SLIT3: variants seen among roughly 807,000 people sequenced by gnomAD.
The protein encoded by SLIT3 is slit homolog 3 protein.
In SLIT3, 68 loss-of-function variants were observed where a neutral mutation model predicts 184.0. The ratio of observed to expected loss-of-function variants is 0.37; its 90% CI spans 0.30 to 0.45. SLIT3 has a LOEUF of 0.45. Among genes scored for constraint, SLIT3 ranks in the 20% least tolerant of loss-of-function variants. The probability of loss-of-function intolerance (pLI) is 1.00; values close to 1 mark genes in which losing one functional copy is unlikely to be tolerated. For missense variants in SLIT3, 1,707 were observed against 2,026.0 expected, an observed-to-expected ratio of 0.84 and a Z score of 3.02; for synonymous variants, 831 against 828.6, an observed-to-expected ratio of 1.00 and a Z score of -0.05.
chr5:168,889,723 G>C (rs931191757), intron 4 of SLIT3, among the ~76,000 whole-genome samples: 1 of 152,224 alleles, frequency 6.6e-6, no homozygotes, highest in South Asian at 2.1e-4. Context: ...TATGGTTGAA[G>C]TTGAGATAGA....
chr5:168,671,572 A>G (rs1396544271), intron 33 of SLIT3, 89 bp from the exon 34 acceptor site: 12 of 1,403,632 alleles, frequency 8.5e-6, no homozygotes, highest in Middle Eastern at 2.3e-4. Context: ...TCACACATTC[A>G]TGGCCAGAAC....
At chr5:168,777,101 A>AC (rs1755787546) in intron 12 of SLIT3, among the ~76,000 whole-genome samples, 1 of 55,514 alleles carries the variant, frequency 1.8e-5, no homozygotes, top group African/African-American at 5.5e-5. Flanking sequence ...ACACACACAC[A>AC]CACACCCCCC....
chr5:169,254,100 T>G (rs1765867825), intron 1 of SLIT3, among the ~76,000 whole-genome samples: 1 of 151,448 alleles, frequency 6.6e-6, no homozygotes. Context: ...TCCACACAGC[T>G]GGGTCTGGGT....
At chr5:169,057,885 AAGACAC>A (rs1318662212) in intron 4 of SLIT3, among the ~76,000 whole-genome samples, 1 of 152,214 alleles carries the variant, frequency 6.6e-6, no homozygotes, top group Non-Finnish European at 1.5e-5. Flanking sequence ...CTTAAGCAAA[AAGACAC>A]AGCTTTCTTT....
chr5:168,774,623 C>A (rs1755679722), intron 12 of SLIT3, among the ~76,000 whole-genome samples: 1 of 152,190 alleles, frequency 6.6e-6, no homozygotes, highest in South Asian at 2.1e-4. Context: ...TCACTTGGCA[C>A]CTTCTCTTGC....
intron 4 of SLIT3, among the ~76,000 whole-genome samples, chr5:169,055,917 T>C (rs1404274963): frequency 1.3e-5 from 2 of 151,928 alleles, no homozygotes; most frequent in Non-Finnish European, 2.9e-5. Context: ...TTGGCCATCA[T>C]ACGAAATTAA....
intron 4 of SLIT3, among the ~76,000 whole-genome samples, chr5:169,008,487 TTGGGCAGG>T (rs754340060): frequency 2.4e-4 from 37 of 152,168 alleles, no homozygotes; most frequent in Non-Finnish European, 1.0e-4. Flanking sequence ...CACAGACCTC[TTGGGCAGG>T]TGGGCCCAGA....
chr5:168,735,317 G>C (rs1763397288), intron 20 of SLIT3, among the ~76,000 whole-genome samples: 1 of 152,132 alleles, frequency 6.6e-6, no homozygotes, highest in Admixed American at 6.6e-5. Context: ...ACTCAAACCA[G>C]CTGATGTTAA....
At chr5:168,955,068 A>C (rs1223417740) in intron 4 of SLIT3, among the ~76,000 whole-genome samples, 1 of 110,780 alleles carries the variant, frequency 9.0e-6, no homozygotes, top group East Asian at 3.2e-4. Flanking sequence ...ACCTAGAGGC[A>C]CTCCTGGCCT....
At chr5:168,801,068 AAAGT>A (rs1195015891) in intron 9 of SLIT3, among the ~76,000 whole-genome samples, 26 of 152,224 alleles carry the variant, frequency 1.7e-4, no homozygotes, top group African/African-American at 4.1e-4. Context: ...GAATGTGCTT[AAAGT>A]AAGAGGCAGA....
intron 4 of SLIT3, among the ~76,000 whole-genome samples, chr5:169,042,973 G>A (rs7717558): frequency 6.6e-6 from 1 of 151,972 alleles, no homozygotes; most frequent in African/African-American, 2.4e-5. Context: ...GGTGTTTACT[G>A]GCAACATTTT....
At chr5:169,287,401 C>G (rs1163916032) in intron 1 of SLIT3, among the ~76,000 whole-genome samples, 1 of 134,958 alleles carries the variant, frequency 7.4e-6, no homozygotes, top group Non-Finnish European at 1.6e-5. Flanking sequence ...TAGATGTGGT[C>G]CCTCTTCTGT....
At chr5:169,267,574 T>C (rs1766443219) in intron 1 of SLIT3, among the ~76,000 whole-genome samples, 1 of 152,234 alleles carries the variant, frequency 6.6e-6, no homozygotes, top group Non-Finnish European at 1.5e-5. Context: ...CCAGTAAATC[T>C]GGGTATCAGT....
At chr5:168,738,558 G>C (rs1763509581) in intron 20 of SLIT3, among the ~76,000 whole-genome samples, 1 of 152,178 alleles carries the variant, frequency 6.6e-6, no homozygotes, top group African/African-American at 2.4e-5. Context: ...TTACCTAAAA[G>C]AAAGACTGGC....
At chr5:169,235,818 A>G (rs1160267725) in intron 3 of SLIT3, among the ~76,000 whole-genome samples, 2 of 152,256 alleles carry the variant, frequency 1.3e-5, no homozygotes, top group Non-Finnish European at 2.9e-5. Context: ...AAGATCACAG[A>G]TACAAAGTAA....
chr5:169,120,003 G>C (rs567113211), intron 4 of SLIT3: 38 of 152,296 alleles, frequency 2.5e-4, no homozygotes, highest in African/African-American at 8.9e-4. Flanking sequence ...TCATAGCTAC[G>C]TTCATCAGCT....
intron 35 of SLIT3, among the ~76,000 whole-genome samples, chr5:168,668,652 GCATTCATTGCA>G (rs2113160230): frequency 6.6e-6 from 1 of 152,344 alleles, no homozygotes; most frequent in East Asian, 1.9e-4. Flanking sequence ...GTGCAGTGGT[GCATTCATTGCA>G]GCTTCAAGCT....
chr5:168,896,616 G>A (rs571864287), intron 4 of SLIT3, among the ~76,000 whole-genome samples: 29 of 152,268 alleles, frequency 1.9e-4, no homozygotes, highest in Non-Finnish European at 3.4e-4. Context: ...ACTCTCTCTC[G>A]TGGAATCTAC....
intron 4 of SLIT3, among the ~76,000 whole-genome samples, chr5:169,025,939 C>T (rs986251735): frequency 5.9e-5 from 9 of 152,198 alleles, no homozygotes; most frequent in South Asian, 2.1e-4. Context: ...CTATAGCCAC[C>T]TGCGATTTCC....
Sources: gnomAD v4.1 joint callset for allele counts (sites outside exome capture counted in the v4.1 genomes callset) on GRCh38, gnomAD v4.1.1 for gene constraint, MANE v1.5 for transcripts, NCBI Gene and HGNC (gene_info 2026-07-23, HGNC 2026-07-21) for gene names.